The following ADK variants were observed in gnomAD, a reference collection of about 807,000 sequenced individuals.
ADK encodes the protein N6,N6-dimethyladenosine kinase.
In ADK, 24 loss-of-function variants were observed where a neutral mutation model predicts 44.7. The ratio of observed to expected loss-of-function variants is 0.54; its 90% confidence interval spans 0.39 to 0.76. The LOEUF is 0.76. Ranked by LOEUF, ADK falls within the 30% of genes least tolerant of loss-of-function variation. ADK has a pLI of 0.00. For synonymous variants in ADK, 128 were observed against 142.6 expected, an observed-to-expected ratio of 0.90 and a Z score of 0.73; for missense variants, 321 against 425.1, an observed-to-expected ratio of 0.76 and a Z score of 2.15.
chr10:74,216,212 A>T (rs1214656646), intron 2 of ADK, among the ~76,000 whole-genome samples: 1 of 152,136 alleles, frequency 6.6e-6, no homozygotes, highest in African/African-American at 2.4e-5. Flanking sequence ...ACAGTCTTTC[A>T]TGCATATTGA....
At position 74,259,311 on chromosome 10, in the gene ADK, A is replaced by C. The variant is rs369008788; in HGVS notation, c.194+34720A>C. ...TGTGCACAAATGTATTTTTTTCAGA[A>C]TTATGTTAAATAAGATGATTAGATA... On this transcript the variant is annotated intron_variant, in intron 3 of 10. Coordinates refer to ENST00000539909, the MANE Select transcript of ADK (RefSeq NM_006721.4). Among the ~76,000 whole-genome samples, 200 of 150,526 alleles carry C rather than the reference A, an allele frequency of 1.3e-3. 4 individuals are homozygous for C. In the South Asian group the frequency reaches 0.04, roughly 30 times the overall value.
At chr10:74,181,975 T>C (rs1842574912) in intron 1 of ADK, among the ~76,000 whole-genome samples, 1 of 152,184 alleles carries the variant, frequency 6.6e-6, no homozygotes, top group Non-Finnish European at 1.5e-5. Context: ...TACATGATGA[T>C]TCTGGAACCC....
chr10:74,208,240 G>A (rs1843675744), intron 2 of ADK, among the ~76,000 whole-genome samples: 1 of 152,280 alleles, frequency 6.6e-6, no homozygotes, highest in African/African-American at 2.4e-5. Flanking sequence ...GGCTGCAGCT[G>A]CACTCAGGAG....
chr10:74,291,646 A>AT (rs113458109), intron 3 of ADK, among the ~76,000 whole-genome samples: 2 of 151,226 alleles, frequency 1.3e-5, no homozygotes, highest in East Asian at 1.9e-4. Context: ...TGAAGTATTG[A>AT]TTTTTTTTCA....
chr10:74,158,200 T>C (rs189231141), intron 1 of ADK, among the ~76,000 whole-genome samples: 8 of 152,290 alleles, frequency 5.3e-5, no homozygotes, highest in African/African-American at 1.9e-4. Context: ...AAAACTTGTA[T>C]TTTCCAATGT....
rs558681441 is a variant in ADK at position 74,535,052 on chromosome 10, A to G, written c.726+9626A>G. Among the ~76,000 whole-genome samples, 77 of 152,304 alleles carry G rather than the reference A, an allele frequency of 5.1e-4. 1 individual carries two copies. Among genetic ancestry groups the G allele is most frequent in the Middle Eastern group, 3.4e-3 (1 of 294 alleles). ...CATATGAGTTATTTTTAATGTTGCT[A>G]TTGAATTGGATGTGGGCATGAAAAG... On this transcript the variant is annotated intron_variant, in intron 7 of 10. Coordinates refer to ENST00000539909, the MANE Select transcript of ADK (RefSeq NM_006721.4).
chr10:74,423,413 G>T, intron 6 of ADK: 2 of 168,310 alleles, frequency 1.2e-5, no homozygotes, highest in South Asian at 1.3e-4. Context: ...TAGTTGCAGT[G>T]GGCAGGCAAG....
At chr10:74,473,000 AT>A (rs954548597) in intron 6 of ADK, among the ~76,000 whole-genome samples, 3 of 151,344 alleles carry the variant, frequency 2.0e-5, no homozygotes, top group African/African-American at 7.3e-5. Context: ...GTTTGTTTTC[AT>A]TTTTTTGAGA....
intron 7 of ADK, among the ~76,000 whole-genome samples, chr10:74,562,247 G>A (rs1472839423): frequency 3.9e-5 from 6 of 152,110 alleles, no homozygotes; most frequent in African/African-American, 1.4e-4. Context: ...ACACATAGTA[G>A]ATGCTTAATA....
intron 3 of ADK, among the ~76,000 whole-genome samples, chr10:74,248,484 G>T (rs1442994460): frequency 1.3e-5 from 2 of 151,866 alleles, no homozygotes; most frequent in Non-Finnish European, 2.9e-5. Flanking sequence ...TTTGCCTCCC[G>T]AGTAGCTGGG....
Position 74,180,184 on chromosome 10 carries a change from C to A in ADK, c.66-20580C>A, listed in dbSNP as rs182898200. ...CCCACTGAGGGCCTTTTCTGAGTTA[C>A]TGAGCTTCCATTTCTCTTTTCTTTT... On this transcript the variant is annotated intron_variant, in intron 1 of 10. Transcript: ENST00000539909. Among the ~76,000 whole-genome samples, 674 of 149,532 alleles carry A rather than the reference C, an allele frequency of 4.5e-3. 3 individuals are homozygous for A. Among genetic ancestry groups the A allele is most frequent in the Middle Eastern group, 0.036 (10 of 280 alleles).
chr10:74,228,762 C>T (rs949606388), intron 3 of ADK, among the ~76,000 whole-genome samples: 3 of 152,100 alleles, frequency 2.0e-5, no homozygotes, highest in African/African-American at 7.2e-5. Flanking sequence ...ATTATGAGAT[C>T]TGATCATATA....
chr10:74,232,326 C>T (rs937451567), intron 3 of ADK, among the ~76,000 whole-genome samples: 4 of 151,988 alleles, frequency 2.6e-5, no homozygotes, highest in Non-Finnish European at 4.4e-5. Context: ...TGAAACCAGC[C>T]TTGGCAACGT....
intron 3 of ADK, among the ~76,000 whole-genome samples, chr10:74,256,439 A>G (rs183135663): frequency 4.6e-5 from 7 of 152,356 alleles, no homozygotes; most frequent in Admixed American, 4.6e-4. Flanking sequence ...AACATTATGT[A>G]ACCTATCTTC....
At chr10:74,684,850 A>G (rs1855732996) in intron 10 of ADK, among the ~76,000 whole-genome samples, 1 of 152,250 alleles carries the variant, frequency 6.6e-6, no homozygotes, top group Non-Finnish European at 1.5e-5. Flanking sequence ...TTGTAACACA[A>G]TGTGATCTAA....
intron 4 of ADK, among the ~76,000 whole-genome samples, chr10:74,387,488 G>A (rs1843184469): frequency 6.6e-6 from 1 of 152,152 alleles, no homozygotes; most frequent in African/African-American, 2.4e-5. Flanking sequence ...GGGGCACCAT[G>A]ATAAAATTTC....
intron 6 of ADK, among the ~76,000 whole-genome samples, chr10:74,403,300 A>G (rs1369546169): frequency 6.6e-6 from 1 of 152,088 alleles, no homozygotes; most frequent in Non-Finnish European, 1.5e-5. Flanking sequence ...AATCTATAGA[A>G]GTTTCTATTG....
chr10:74,538,128 G>A (rs779156748), intron 7 of ADK, among the ~76,000 whole-genome samples: 5 of 152,060 alleles, frequency 3.3e-5, no homozygotes, highest in African/African-American at 4.8e-5. Flanking sequence ...GGTGGCACGC[G>A]CCTATAGTCC....
chr10:74,205,914 A>T lies in ADK; in HGVS notation c.140+5076A>T, dbSNP rs12359146. Among the ~76,000 whole-genome samples, 15 of 152,078 alleles carry T rather than the reference A, an allele frequency of 9.9e-5. No homozygotes were observed. The South Asian group carries it at 1.2e-3, about 13-fold the overall frequency. On this transcript the variant is annotated intron_variant, in intron 2 of 10. Coordinates refer to ENST00000539909, the MANE Select transcript of ADK (RefSeq NM_006721.4). ...GGGGAAAACTGGTAGTGTGATGCTT[A>T]TATGGGTATATAACGTATCAAATTG...
Sources: gnomAD v4.1 joint callset for allele counts (sites outside exome capture counted in the v4.1 genomes callset) on GRCh38, gnomAD v4.1.1 for gene constraint, MANE v1.5 for transcripts, NCBI Gene and HGNC (gene_info 2026-07-23, HGNC 2026-07-21) for gene names.